FAM3C: variants seen among roughly 807,000 people sequenced by gnomAD.
The protein encoded by FAM3C is FAM3 metabolism regulating signaling molecule C.
In FAM3C, 15 loss-of-function variants were observed where a neutral mutation model predicts 32.5. The observed-to-expected ratio is 0.46, with a 90% CI of 0.31 to 0.71. FAM3C has a LOEUF of 0.71. Ranked by LOEUF, FAM3C falls within the 30% of genes least tolerant of loss-of-function variation. The pLI is 0.05. For missense variants in FAM3C, 175 were observed against 274.4 expected, an observed-to-expected ratio of 0.64 and a Z score of 2.56; for synonymous variants, 75 against 86.1, an observed-to-expected ratio of 0.87 and a Z score of 0.72.
rs868656841 is a variant in FAM3C, at chr7:121,390,866, G to C, written c.-42+5296C>G. The stretch of plus-strand genomic sequence containing the variant: ...GGCTGTGTGGGGCGGGGGGGGGGGG[G>C]GGGGGGAAGGTAAGGCAGATCTAAA... On this transcript the variant is annotated intron_variant, in intron 1 of 9. Coordinates refer to ENST00000359943, the MANE Select transcript of FAM3C (RefSeq NM_014888.3). Among the ~76,000 whole-genome samples, 117 of 38,360 alleles carry C rather than the reference G, an allele frequency of 3.1e-3. 25 individuals are homozygous for C. The highest frequency in any genetic ancestry group is 5.4e-3 in the African/African-American group (103 of 19,206). The allele number at this position is 38,360 out of a possible 152,430, so 25.2% of individuals were successfully genotyped here. A position where few individuals can be genotyped will look rare whatever the true frequency, so the allele number is the denominator to read the frequency against.
chr7:121,366,493 C>T (rs890626024), intron 5 of FAM3C, among the ~76,000 whole-genome samples: 7 of 151,844 alleles, frequency 4.6e-5, no homozygotes, highest in Non-Finnish European at 1.0e-4. Flanking sequence ...TCTATAAAGA[C>T]AGAAAGGAAA....
At chr7:121,395,464 TAA>T (rs74647810) in intron 1 of FAM3C, among the ~76,000 whole-genome samples, 2 of 141,932 alleles carry the variant, frequency 1.4e-5, no homozygotes, top group African/African-American at 2.6e-5. Flanking sequence ...TATTTTTTCT[TAA>T]AAAAAAAAAA....
rs143086434 is a variant in FAM3C, at chr7:121,392,218, C to T, written c.-42+3944G>A. Among the ~76,000 whole-genome samples the T allele has an allele frequency of 1.8e-3, 269 of 152,216 alleles. 3 individuals carry two copies. In the East Asian group the frequency reaches 0.027, roughly 15 times the overall value. ...TTTGTGAAAACGTATTGTATTAGTC[C>T]GTTTTTGCACTGTTATAAAGAAATA... On this transcript the variant is annotated intron_variant, in intron 1 of 9. Coordinates refer to ENST00000359943, the MANE Select transcript of FAM3C (RefSeq NM_014888.3).
intron 2 of FAM3C, among the ~76,000 whole-genome samples, chr7:121,381,042 G>A (rs1794340681): frequency 6.6e-6 from 1 of 152,062 alleles, no homozygotes; most frequent in Admixed American, 6.6e-5. Flanking sequence ...GTCTCCATGG[G>A]GTTAGAGTTC....
intron 8 of FAM3C, among the ~76,000 whole-genome samples, chr7:121,352,280 C>G (rs1441916648): frequency 6.6e-6 from 1 of 152,048 alleles, no homozygotes; most frequent in Non-Finnish European, 1.5e-5. Context: ...CTACATAGAA[C>G]AGTTCTCATT....
At chr7:121,369,328 C>G (rs1303736202) in intron 5 of FAM3C, among the ~76,000 whole-genome samples, 2 of 152,044 alleles carry the variant, frequency 1.3e-5, no homozygotes, top group Non-Finnish European at 2.9e-5. Context: ...ATCTGTCACC[C>G]CTACTAAACT....
At chr7:121,380,572 G>A (rs1794329522) in intron 2 of FAM3C, among the ~76,000 whole-genome samples, 1 of 151,924 alleles carries the variant, frequency 6.6e-6, no homozygotes. Flanking sequence ...GGAAGAGAAT[G>A]AGGATCAAAA....
rs574645253 is a variant in FAM3C at position 121,376,830 on chromosome 7, A to G, written c.118+2080T>C. Among the ~76,000 whole-genome samples the G allele has an allele frequency of 2.0e-3, 306 of 152,290 alleles. 1 individual carries two copies. The highest frequency in any genetic ancestry group is 7.0e-3 in the African/African-American group (289 of 41,574). On this transcript the variant is annotated intron_variant, in intron 3 of 9. Coordinates refer to ENST00000359943, the MANE Select transcript of FAM3C (RefSeq NM_014888.3). ...TATGCAGTCCATGGACAGGGATCTC[A>G]GCCTCACCTTGGAGCTGTCAGAAAT...
chr7:121,370,232 G>C (rs1278036222), intron 5 of FAM3C, among the ~76,000 whole-genome samples: 1 of 152,080 alleles, frequency 6.6e-6, no homozygotes, highest in Non-Finnish European at 1.5e-5. Flanking sequence ...TTAGAATACG[G>C]GAAAATAAAG....
chr7:121,372,167 A>G (rs780317363), intron 3 of FAM3C, 28 bp from the exon 4 acceptor site: 12 of 1,560,352 alleles, frequency 7.7e-6, no homozygotes, highest in Non-Finnish European at 1.1e-5. Context: ...CTTTTGTTAG[A>G]AGGAATGAGT....
At chr7:121,389,999 C>A (rs1286354672) in intron 1 of FAM3C, among the ~76,000 whole-genome samples, 1 of 152,152 alleles carries the variant, frequency 6.6e-6, no homozygotes, top group Non-Finnish European at 1.5e-5. Flanking sequence ...GTCATCAGTA[C>A]AATTTTCATT....
At chr7:121,389,879 C>A (rs1054209960) in intron 1 of FAM3C, among the ~76,000 whole-genome samples, 1 of 152,010 alleles carries the variant, frequency 6.6e-6, no homozygotes, top group South Asian at 2.1e-4. Flanking sequence ...GACTTCTGAA[C>A]TGAGCCAGCA....
chr7:121,355,277 T>G (rs1793784323), intron 8 of FAM3C, among the ~76,000 whole-genome samples: 1 of 152,214 alleles, frequency 6.6e-6, no homozygotes, highest in Admixed American at 6.5e-5. Context: ...CACTTCACAC[T>G]TTTAGATTGT....
intron 1 of FAM3C, among the ~76,000 whole-genome samples, chr7:121,383,442 C>T (rs1794402085): frequency 6.6e-6 from 1 of 152,144 alleles, no homozygotes; most frequent in South Asian, 2.1e-4. Context: ...TGGCTCACTC[C>T]AGTACATGAT....
intron 3 of FAM3C, 143 bp downstream of exon 3, chr7:121,378,767 T>A: frequency 2.3e-6 from 1 of 442,264 alleles, no homozygotes; most frequent in Non-Finnish European, 4.1e-6. Flanking sequence ...TTATATACTG[T>A]AAAATATTCT....
intron 3 of FAM3C, among the ~76,000 whole-genome samples, chr7:121,373,386 T>C (rs1254768032): frequency 6.6e-6 from 1 of 152,204 alleles, no homozygotes; most frequent in Non-Finnish European, 1.5e-5. Context: ...TAGCACCTGG[T>C]GGCCAAACAG....
chr7:121,361,746 G>A (rs1167998855), intron 7 of FAM3C, among the ~76,000 whole-genome samples: 2 of 152,198 alleles, frequency 1.3e-5, no homozygotes, highest in African/African-American at 4.8e-5. Flanking sequence ...CAAGATCTCG[G>A]CTCACCGCAA....
intron 3 of FAM3C, 110 bp from the exon 4 acceptor site, chr7:121,372,249 T>C (rs897468277): frequency 4.4e-6 from 3 of 683,518 alleles, no homozygotes; most frequent in South Asian, 1.9e-5. Flanking sequence ...TGATTCAGTA[T>C]ACAATAAAAC....
intron 3 of FAM3C, among the ~76,000 whole-genome samples, chr7:121,375,208 A>C (rs1794217538): frequency 6.6e-6 from 1 of 152,374 alleles, no homozygotes; most frequent in South Asian, 2.1e-4. Context: ...ATACATTCTT[A>C]AAGAGGGAGG....
Sources: allele counts gnomAD v4.1 joint callset (sites outside exome capture counted in the v4.1 genomes callset), GRCh38; gene constraint gnomAD v4.1.1; transcripts MANE v1.5; gene names NCBI Gene and HGNC (gene_info 2026-07-23, HGNC 2026-07-21).